Variants in SOAT1 observed in about 807,000 individuals in gnomAD.
SOAT1 encodes the protein acyl-coenzyme A:cholesterol acyltransferase 1.
SOAT1 carries 55 observed loss-of-function variants against 69.5 expected under a neutral mutation model. The observed-to-expected ratio is 0.79, with a 90% CI of 0.64 to 0.99. The LOEUF is 0.99. SOAT1 is among the 50% of genes least tolerant of loss of function. The probability of loss-of-function intolerance (pLI) is 0.00; values close to 1 mark genes in which losing one functional copy is unlikely to be tolerated. For missense variants in SOAT1, 580 were observed against 669.3 expected (o/e 0.87, Z 1.47); for synonymous variants, 231 against 224.7 (o/e 1.03, Z -0.25).
intron 1 of SOAT1, among the ~76,000 whole-genome samples, chr1:179,301,131 CTA>C (rs1664819117): frequency 6.6e-6 from 1 of 152,058 alleles, no homozygotes; most frequent in Admixed American, 6.6e-5. Flanking sequence ...TGTGGTCTTG[CTA>C]TGTTTCCCAT....
At chr1:179,351,721 A>ATTTTTTTTTTTTTTTTTTT (rs71901753) in intron 15 of SOAT1, among the ~76,000 whole-genome samples, 8 of 106,468 alleles carry the variant, frequency 7.5e-5, no homozygotes, top group African/African-American at 2.8e-4. Context: ...GCCCCTTCTA[A>ATTTTTTTTTTTTTTTTTTT]TTTTTTTTTT....
intron 2 of SOAT1, among the ~76,000 whole-genome samples, chr1:179,314,116 T>C (rs973673467): frequency 1.3e-5 from 2 of 152,170 alleles, no homozygotes; most frequent in African/African-American, 2.4e-5. Flanking sequence ...CACCATAATT[T>C]TTCTTTATTA....
chr1:179,342,758 G>A, intron 8 of SOAT1, 104 bp from the exon 9 acceptor site: 1 of 752,918 alleles, frequency 1.3e-6, no homozygotes, highest in South Asian at 1.8e-5. Flanking sequence ...GAGCTGATAA[G>A]TCATTTTATT....
chr1:179,333,575 T>C (rs921351378), intron 3 of SOAT1, among the ~76,000 whole-genome samples: 3 of 152,018 alleles, frequency 2.0e-5, no homozygotes, highest in African/African-American at 7.2e-5. Flanking sequence ...GCACGGTGGC[T>C]CACGTCTGTA....
chr1:179,343,366 A>T (rs2124994847), intron 9 of SOAT1, among the ~76,000 whole-genome samples: 1 of 151,514 alleles, frequency 6.6e-6, no homozygotes, highest in African/African-American at 2.4e-5. Context: ...CTGGCATTAC[A>T]GGTGTGTGCC....
intron 11 of SOAT1, 100 bp downstream of exon 11, chr1:179,345,176 A>T: frequency 2.6e-6 from 3 of 1,168,682 alleles, no homozygotes; most frequent in Non-Finnish European, 3.7e-6. Context: ...TTTTCATCTA[A>T]ACTTCTATAC....
At chr1:179,296,428 T>C (rs1310246547) in intron 1 of SOAT1, among the ~76,000 whole-genome samples, 5 of 152,318 alleles carry the variant, frequency 3.3e-5, no homozygotes, top group East Asian at 1.9e-4. Context: ...CTTTTTCCTA[T>C]GGGAAAAAGT....
chr1:179,350,812 A>G (rs1571460537), intron 14 of SOAT1, among the ~76,000 whole-genome samples: 1 of 152,206 alleles, frequency 6.6e-6, no homozygotes, highest in African/African-American at 2.4e-5. Context: ...TTCTAATTCC[A>G]TGAAATATAT....
At chr1:179,321,133 C>A (rs1382677001) in intron 2 of SOAT1, among the ~76,000 whole-genome samples, 1 of 152,010 alleles carries the variant, frequency 6.6e-6, no homozygotes, top group Non-Finnish European at 1.5e-5. Context: ...TCTCGAATTC[C>A]TGACTCAGGT....
chr1:179,309,068 G>T (rs1182559254), intron 2 of SOAT1, among the ~76,000 whole-genome samples: 1 of 152,140 alleles, frequency 6.6e-6, no homozygotes, highest in Non-Finnish European at 1.5e-5. Context: ...TTGCTTACTT[G>T]TACTGGTATA....
At position 179,342,921 on chromosome 1, in the gene SOAT1, A is replaced by G; in HGVS notation, c.919A>G (p.Ile307Val). ...GTACTTCTTATTTGCTCCTACCCTT[A>G]TCTACCGTGACAGCTATCCCAGGTA... ...YLYFLFAPTL[I>V]YRDSYPRNPT... The change falls in exon 9 of 16, where the codon ATC (isoleucine) becomes GTC (valine). Residue 307 changes from isoleucine to valine, a missense_variant. Ile to Val is a conservative substitution (Grantham distance 29, BLOSUM62 3). Coordinates refer to ENST00000367619, the MANE Select transcript of SOAT1 (RefSeq NM_003101.6). 1.2e-6 allele frequency: 2 copies of G among 1,613,358 alleles called. No individual in the cohort carries two copies. The highest frequency in any genetic ancestry group is 1.7e-6 in the Non-Finnish European group (2 of 1,179,368).
At chr1:179,300,208 TCCTC>T (rs1664790068) in intron 1 of SOAT1, among the ~76,000 whole-genome samples, 1 of 152,150 alleles carries the variant, frequency 6.6e-6, no homozygotes, top group Non-Finnish European at 1.5e-5. Context: ...CTTGTAAAAT[TCCTC>T]TCTTACTGAA....
Position 179,299,938 on chromosome 1 carries a change from T to C in SOAT1, c.-8-2739T>C, listed in dbSNP as rs9730471. Among the ~76,000 whole-genome samples the C allele has an allele frequency of 5.8e-3, 867 of 149,996 alleles. 13 individuals carry two copies. Among genetic ancestry groups the C allele is most frequent in the African/African-American group, 0.018 (754 of 40,844 alleles). On this transcript the variant is annotated intron_variant, in intron 1 of 15. Coordinates refer to ENST00000367619, the MANE Select transcript of SOAT1 (RefSeq NM_003101.6). Reference sequence around the variant, plus strand: ...CCAGCTAATTTTTTTTTTTTTTGTATTTTTCGTAGAGATGGGGTTTCACTG... The same window carrying C: ...CCAGCTAATTTTTTTTTTTTTTGTACTTTTCGTAGAGATGGGGTTTCACTG...
In SOAT1 at chr1:179,357,680, G is replaced by C. The variant is rs1177486548; in HGVS notation, c.*4039G>C. The C allele has an allele frequency of 6.6e-6, 1 of 152,306 alleles. No individual in the cohort carries two copies. The highest frequency in any genetic ancestry group is 1.5e-5 in the Non-Finnish European group (1 of 68,130). 9.4% of individuals were successfully genotyped at this position (152,306 alleles called of 1,614,324 possible). On this transcript the variant is annotated 3_prime_UTR_variant, in exon 16 of 16. Transcript: ENST00000367619. ...AGGCCAAGGCAGGAGGATTGCTTGA[G>C]CTCAGAAGTTTGAGACCAGCCTGGG... is the stretch of plus-strand genomic sequence containing the variant.
At chr1:179,345,259 C>T (rs1263210938) in intron 11 of SOAT1, among the ~76,000 whole-genome samples, 183 bp downstream of exon 11, 1 of 152,196 alleles carries the variant, frequency 6.6e-6, no homozygotes, top group Non-Finnish European at 1.5e-5. Context: ...TCAGGTCAGT[C>T]TTTCATCTTA....
rs151058974 is a variant in SOAT1 at position 179,348,915 on chromosome 1, T to C, written c.1287T>C (p.Tyr429=). 1.0e-5 allele frequency: 16 copies of C among 1,603,608 alleles called. No individual in the cohort carries two copies. The highest frequency in any genetic ancestry group is 1.4e-5 in the Non-Finnish European group (16 of 1,170,558). ...TWNVVVHDWL[Y]YYAYKDFLWF... is the part of the protein sequence containing the mutation. Reference sequence around the variant, plus strand: ...ATGTGGTGGTCCATGACTGGCTATATTACTATGCTTACAAGGACTTTCTCT... The same window carrying C: ...ATGTGGTGGTCCATGACTGGCTATACTACTATGCTTACAAGGACTTTCTCT... Residue 429 remains tyrosine, a synonymous_variant, in exon 13 of 16, where the codon TAT becomes TAC. Coordinates refer to ENST00000367619, the MANE Select transcript of SOAT1 (RefSeq NM_003101.6).
At chr1:179,349,346 T>TTTTGG (rs57282322) in intron 13 of SOAT1, among the ~76,000 whole-genome samples, 1 of 146,532 alleles carries the variant, frequency 6.8e-6, no homozygotes. Context: ...TTTTTTTTTT[T>TTTTGG]GAGAGAGTTT....
intron 3 of SOAT1, among the ~76,000 whole-genome samples, chr1:179,329,984 G>C (rs1665919611): frequency 6.6e-6 from 1 of 152,172 alleles, no homozygotes; most frequent in Admixed American, 6.5e-5. Context: ...GTTCCTTCCA[G>C]TTCCCTGCCT....
intron 2 of SOAT1, among the ~76,000 whole-genome samples, chr1:179,303,093 A>T (rs1664891981): frequency 6.6e-6 from 1 of 152,118 alleles, no homozygotes; most frequent in Non-Finnish European, 1.5e-5. Flanking sequence ...ATCAGTACGG[A>T]TTTGTTTGCC....
Sources: gnomAD v4.1 joint callset for allele counts (sites outside exome capture counted in the v4.1 genomes callset) on GRCh38, gnomAD v4.1.1 for gene constraint, MANE v1.5 for transcripts, NCBI Gene and HGNC (gene_info 2026-07-23, HGNC 2026-07-21) for gene names.